The following RNF111 variants were observed in gnomAD, a reference collection of about 807,000 sequenced individuals.
RNF111 encodes ring finger protein 111.
RNF111 carries 17 observed loss-of-function variants against 95.1 expected under a neutral mutation model. That is an observed-to-expected ratio of 0.18 (90% CI 0.12 to 0.27). The LOEUF (loss-of-function observed/expected upper bound fraction) is 0.27. RNF111 is among the 10% of genes least tolerant of loss of function. The pLI is 1.00. For missense variants in RNF111, 1,189 were observed against 1,210.4 expected, an observed-to-expected ratio of 0.98 and a Z score of 0.26; for synonymous variants, 440 against 414.8, an observed-to-expected ratio of 1.06 and a Z score of -0.74.
intron 2 of RNF111, among the ~76,000 whole-genome samples, chr15:59,039,077 G>T (rs1235830931): frequency 6.6e-6 from 1 of 152,090 alleles, no homozygotes; most frequent in African/African-American, 2.4e-5. Flanking sequence ...TGATTCTCCT[G>T]CCTCTGCCTC....
In RNF111 at chr15:59,055,747, G is replaced by A. The variant is rs751434896; in HGVS notation, c.1073G>A (p.Arg358Gln). Residue 358 changes from arginine to glutamine, a missense_variant, in exon 4 of 14, where the codon CGG becomes CAG. By Grantham distance (43) the Arg-to-Gln change is conservative. Around this residue, in one of 2 missense-constraint regions of RNF111, gnomAD observed 1,024 missense variants for 925.9 expected, o/e 1.11. Transcript: ENST00000348370. ...CAGGGTTCCAGTTCTCATGCAAGTCGGCCACAGGAGCCACGGAACCGCAGT... is the reference window on the plus strand; with the variant it reads ...CAGGGTTCCAGTTCTCATGCAAGTCAGCCACAGGAGCCACGGAACCGCAGT... ...WSQGSSSHAS[R>Q]PQEPRNRSRI... is the part of the protein sequence containing the mutation. 10 of 1,613,654 alleles carry A rather than the reference G, an allele frequency of 6.2e-6. No individual in the cohort carries two copies. Among genetic ancestry groups the A allele is most frequent in the Middle Eastern group, 1.6e-4 (1 of 6,080 alleles).
chr15:59,073,591 T>G (rs2043039262), intron 6 of RNF111, among the ~76,000 whole-genome samples: 1 of 152,216 alleles, frequency 6.6e-6, no homozygotes, highest in Admixed American at 6.5e-5. Context: ...GGTTCCAACT[T>G]CTTATTCTAG....
intron 1 of RNF111, among the ~76,000 whole-genome samples, chr15:58,993,501 G>A (rs2038912377): frequency 6.6e-6 from 1 of 152,220 alleles, no homozygotes. Flanking sequence ...TTGCACCACT[G>A]CACTCCAACC....
chr15:59,007,701 T>G (rs1480967979), intron 1 of RNF111, among the ~76,000 whole-genome samples: 1 of 152,214 alleles, frequency 6.6e-6, no homozygotes, highest in Non-Finnish European at 1.5e-5. Flanking sequence ...AGTTTTAGTC[T>G]TATTGGGTGT....
chr15:59,018,168 C>T (rs568051134), intron 1 of RNF111, among the ~76,000 whole-genome samples: 3 of 152,228 alleles, frequency 2.0e-5, no homozygotes, highest in Admixed American at 1.3e-4. Context: ...TTATCATTTT[C>T]GAGCATTAAA....
chr15:59,092,516 A>G, intron 12 of RNF111, 21 bp from the exon 13 acceptor site: 1 of 1,607,522 alleles, frequency 6.2e-7, no homozygotes, highest in Non-Finnish European at 8.5e-7. Context: ...TAATAAGGTA[A>G]CAACTGATTG....
chr15:59,058,227 A>G, intron 4 of RNF111, 129 bp from the exon 5 acceptor site: 1 of 713,382 alleles, frequency 1.4e-6, no homozygotes, highest in Non-Finnish European at 2.2e-6. Flanking sequence ...TCTTTACCAA[A>G]TGTTATTAGA....
At chr15:58,989,519 A>G (rs182433276) in intron 1 of RNF111, among the ~76,000 whole-genome samples, 2 of 152,334 alleles carry the variant, frequency 1.3e-5, no homozygotes, top group East Asian at 3.9e-4. Context: ...GTGCTATATC[A>G]TGTGCAGATC....
At chr15:59,090,389 C>T (rs939203347) in intron 11 of RNF111, among the ~76,000 whole-genome samples, 1 of 152,138 alleles carries the variant, frequency 6.6e-6, no homozygotes, top group Non-Finnish European at 1.5e-5. Context: ...GCCACCACGC[C>T]CGGCTAATTT....
At chr15:59,092,424 C>T in intron 12 of RNF111, 113 bp from the exon 13 acceptor site, 11 of 1,124,578 alleles carry the variant, frequency 9.8e-6, no homozygotes, top group Non-Finnish European at 8.3e-6. Context: ...GAAAAAAGTG[C>T]GGGTGAATAT....
intron 1 of RNF111, among the ~76,000 whole-genome samples, chr15:59,021,602 C>T (rs1436638293): frequency 6.6e-6 from 1 of 152,070 alleles, no homozygotes; most frequent in Non-Finnish European, 1.5e-5. Flanking sequence ...TCTCATTTAA[C>T]CGTTACGGAA....
In RNF111 at chr15:59,047,377, C is replaced by T. The variant is rs191517816; in HGVS notation, c.881-4928C>T. On this transcript the variant is annotated intron_variant, in intron 2 of 13. Transcript: ENST00000348370. ...GGGCATGGTGGCAGGTACCTGTAGTCGCAGCTACTGGGGTGGCTAAGGTGG... is the reference window on the plus strand; with the variant it reads ...GGGCATGGTGGCAGGTACCTGTAGTTGCAGCTACTGGGGTGGCTAAGGTGG... Among the ~76,000 whole-genome samples, 662 of 152,034 alleles carry T rather than the reference C, an allele frequency of 4.4e-3. 6 individuals are homozygous for T. Among genetic ancestry groups the T allele is most frequent in the Middle Eastern group, 0.041 (12 of 294 alleles).
intron 1 of RNF111, among the ~76,000 whole-genome samples, chr15:59,012,600 T>C (rs1158194870): frequency 6.6e-6 from 1 of 152,174 alleles, no homozygotes; most frequent in Non-Finnish European, 1.5e-5. Flanking sequence ...CATGATTGGA[T>C]GTTTTAATAG....
At chr15:59,034,509 T>A (rs2041074984) in intron 2 of RNF111, among the ~76,000 whole-genome samples, 1 of 152,214 alleles carries the variant, frequency 6.6e-6, no homozygotes, top group African/African-American at 2.4e-5. Context: ...TCCAGTACTC[T>A]TATGAGATGG....
intron 5 of RNF111, among the ~76,000 whole-genome samples, chr15:59,058,896 A>ACAGC (rs1385551821): frequency 1.3e-5 from 2 of 152,224 alleles, no homozygotes; most frequent in African/African-American, 4.8e-5. Flanking sequence ...ACAGTGAAAG[A>ACAGC]CAGCCTACAG....
intron 1 of RNF111, among the ~76,000 whole-genome samples, chr15:59,017,739 T>A (rs2040133809): frequency 6.7e-6 from 1 of 149,794 alleles, no homozygotes; most frequent in Non-Finnish European, 1.5e-5. Flanking sequence ...GTTTGTTACA[T>A]TATTTGTTGA....
chr15:59,089,330 G>A (rs1395221019), intron 10 of RNF111, among the ~76,000 whole-genome samples: 1 of 152,154 alleles, frequency 6.6e-6, no homozygotes, highest in African/African-American at 2.4e-5. Context: ...AACTTATCTT[G>A]AAGTCGAATT....
intron 5 of RNF111, among the ~76,000 whole-genome samples, chr15:59,059,164 C>T (rs564478117): frequency 2.0e-5 from 3 of 152,120 alleles, no homozygotes; most frequent in South Asian, 2.1e-4. Context: ...AAAGCCCCAA[C>T]CCAACAGAAA....
intron 4 of RNF111, 92 bp from the exon 5 acceptor site, chr15:59,058,264 T>C (rs1339277967): frequency 3.9e-6 from 4 of 1,027,778 alleles, no homozygotes; most frequent in Non-Finnish European, 1.4e-6. Flanking sequence ...AGTTTTTTTA[T>C]TTATTAATTA....
Sources: allele counts gnomAD v4.1 joint callset (sites outside exome capture counted in the v4.1 genomes callset), GRCh38; gene constraint gnomAD v4.1.1; regional missense constraint gnomAD v4.1.1; transcripts MANE v1.5; gene names NCBI Gene and HGNC (gene_info 2026-07-23, HGNC 2026-07-21).